The following CLOCK variants were observed in gnomAD, a reference collection of about 807,000 sequenced individuals.
The protein encoded by CLOCK is circadian locomoter output cycles protein kaput.
In CLOCK, 43 loss-of-function variants were observed where a neutral mutation model predicts 118.4. The observed-to-expected ratio is 0.36, with a 90% CI of 0.28 to 0.47. The LOEUF is 0.47. CLOCK is among the 20% of genes least tolerant of loss of function. CLOCK has a pLI of 1.00. For synonymous variants in CLOCK, 326 were observed against 339.2 expected (o/e 0.96, Z 0.43); for missense variants, 846 against 999.9 (o/e 0.85, Z 2.08).
At chr4:55,513,594 AT>A (rs1425075424) in intron 1 of CLOCK, among the ~76,000 whole-genome samples, 1 of 152,050 alleles carries the variant, frequency 6.6e-6, no homozygotes, top group Non-Finnish European at 1.5e-5. Flanking sequence ...TGGATCTCCA[AT>A]TTTGTTCTTT....
At chr4:55,535,095 A>T (rs996868019) in intron 1 of CLOCK, among the ~76,000 whole-genome samples, 2 of 151,754 alleles carry the variant, frequency 1.3e-5, no homozygotes, top group African/African-American at 4.8e-5. Context: ...TGTCTGGCTA[A>T]TTTTTTTCTA....
intron 2 of CLOCK, among the ~76,000 whole-genome samples, chr4:55,497,108 T>C (rs1015971549): frequency 1.3e-5 from 2 of 152,128 alleles, no homozygotes; most frequent in Non-Finnish European, 2.9e-5. Flanking sequence ...CCAATATAGG[T>C]CTCACTGGGC....
intron 4 of CLOCK, 129 bp downstream of exon 4, chr4:55,482,610 A>T: frequency 1.6e-6 from 1 of 635,990 alleles, no homozygotes; most frequent in Non-Finnish European, 2.6e-6. Context: ...TGTTTAATAC[A>T]GAAACTGAAT....
intron 3 of CLOCK, among the ~76,000 whole-genome samples, chr4:55,483,651 C>A (rs951717863): frequency 3.9e-5 from 6 of 152,094 alleles, no homozygotes; most frequent in Admixed American, 2.6e-4. Flanking sequence ...AAGGCACAGG[C>A]CTTAGTGAGA....
At chr4:55,444,810 T>G in intron 18 of CLOCK, 25 bp from the exon 19 acceptor site, 1 of 1,610,130 alleles carries the variant, frequency 6.2e-7, no homozygotes, top group Non-Finnish European at 8.5e-7. Flanking sequence ...ACGGAAAAAG[T>G]GTAATATATT....
chr4:55,450,451 G>A (rs925765936), intron 15 of CLOCK, among the ~76,000 whole-genome samples: 1 of 152,120 alleles, frequency 6.6e-6, no homozygotes, highest in African/African-American at 2.4e-5. Context: ...GAATGAAGTT[G>A]GAATCTCTTA....
At chr4:55,524,249 A>T (rs1014906540) in intron 1 of CLOCK, among the ~76,000 whole-genome samples, 1 of 151,892 alleles carries the variant, frequency 6.6e-6, no homozygotes, top group African/African-American at 2.4e-5. Context: ...ACACACAAAA[A>T]AAATTAGCTG....
chr4:55,533,158 C>G (rs1730666764), intron 1 of CLOCK, among the ~76,000 whole-genome samples: 1 of 152,080 alleles, frequency 6.6e-6, no homozygotes, highest in East Asian at 1.9e-4. Flanking sequence ...AAGGGACCCC[C>G]AAGTAGCCAA....
chr4:55,537,520 T>C (rs1362007961), intron 1 of CLOCK, among the ~76,000 whole-genome samples: 1 of 151,980 alleles, frequency 6.6e-6, no homozygotes, highest in Non-Finnish European at 1.5e-5. Flanking sequence ...TAATAGACTC[T>C]GGTGCGAGGA....
chr4:55,519,857 T>C (rs912403405), intron 1 of CLOCK, among the ~76,000 whole-genome samples: 1 of 152,230 alleles, frequency 6.6e-6, no homozygotes, highest in South Asian at 2.1e-4. Flanking sequence ...CAAGCAATGA[T>C]GACAGGAGGG....
intron 1 of CLOCK, 116 bp downstream of exon 1, chr4:55,546,665 TC>T (rs2110141672): frequency 1.2e-5 from 1 of 84,250 alleles, no homozygotes; most frequent in African/African-American, 4.7e-5. Flanking sequence ...TGTGGCCAGC[TC>T]CTCCTCCCCC....
chr4:55,494,309 G>T (rs1365496932), intron 2 of CLOCK, among the ~76,000 whole-genome samples: 2 of 152,148 alleles, frequency 1.3e-5, no homozygotes, highest in Non-Finnish European at 2.9e-5. Flanking sequence ...TCCGAAGAAT[G>T]TCCATTCCCT....
At chr4:55,504,283 C>CAAAAAAAAAA (rs35414558) in intron 2 of CLOCK, among the ~76,000 whole-genome samples, 3 of 51,952 alleles carry the variant, frequency 5.8e-5, no homozygotes, top group African/African-American at 1.4e-4. Flanking sequence ...GAGACTCCAT[C>CAAAAAAAAAA]AAAAAAAAAA....
intron 13 of CLOCK, 94 bp from the exon 14 acceptor site, chr4:55,453,918 C>A: frequency 1.1e-6 from 1 of 934,858 alleles, no homozygotes; most frequent in Non-Finnish European, 1.6e-6. Context: ...TAAGTTTACA[C>A]ATACTATTAT....
At chr4:55,441,471 G>C (rs1305218911) in intron 21 of CLOCK, among the ~76,000 whole-genome samples, 2 of 152,088 alleles carry the variant, frequency 1.3e-5, no homozygotes, top group East Asian at 3.9e-4. Flanking sequence ...CAAAGATATG[G>C]AATCAACCTA....
At chr4:55,452,958 A>G (rs1490397536) in intron 15 of CLOCK, 96 bp downstream of exon 15, 8 of 840,082 alleles carry the variant, frequency 9.5e-6, no homozygotes, top group Non-Finnish European at 1.5e-5. Flanking sequence ...GAGGAAATAA[A>G]GTATTTTTGA....
At chr4:55,469,186 C>G (rs1412256239) in intron 8 of CLOCK, among the ~76,000 whole-genome samples, 1 of 151,076 alleles carries the variant, frequency 6.6e-6, no homozygotes, top group African/African-American at 2.4e-5. Flanking sequence ...AGTGCAATGG[C>G]TCGATCTCGG....
intron 11 of CLOCK, among the ~76,000 whole-genome samples, chr4:55,457,563 GCTAAA>G (rs1725004234): frequency 6.6e-6 from 1 of 152,062 alleles, no homozygotes; most frequent in African/African-American, 2.4e-5. Context: ...GGTTCCTTGT[GCTAAA>G]CTCTCTTCAG....
intron 1 of CLOCK, among the ~76,000 whole-genome samples, chr4:55,535,740 T>TTC (rs1730852422): frequency 2.2e-5 from 1 of 46,082 alleles, no homozygotes; most frequent in East Asian, 4.3e-4. Flanking sequence ...TGGGAGAATC[T>TTC]TTTTTTTTTT....
Sources: allele counts gnomAD v4.1 joint callset (sites outside exome capture counted in the v4.1 genomes callset), GRCh38; gene constraint gnomAD v4.1.1; transcripts MANE v1.5; gene names NCBI Gene and HGNC (gene_info 2026-07-23, HGNC 2026-07-21).